The following SNX33 variants were observed in gnomAD, a reference collection of about 807,000 sequenced individuals.
The protein encoded by SNX33 is sorting nexin-33.
Under a neutral mutation model 38.8 loss-of-function variants are expected in SNX33, and 19 were observed. The observed-to-expected ratio is 0.49, with a 90% confidence interval of 0.34 to 0.72. The LOEUF (loss-of-function observed/expected upper bound fraction) is 0.72. Ranked by LOEUF, SNX33 falls within the 30% of genes least tolerant of loss-of-function variation. The pLI is 0.01. For missense variants in SNX33, 641 were observed against 776.4 expected, an observed-to-expected ratio of 0.83 and a Z score of 2.07; for synonymous variants, 246 against 289.7, an observed-to-expected ratio of 0.85 and a Z score of 1.53.
chr15:75,652,006 G>GT (rs10706187), intron 1 of SNX33, among the ~76,000 whole-genome samples: 25,441 of 132,758 alleles, frequency 0.19, 2,715 homozygotes, highest in East Asian at 0.41. Context: ...CTTTCTTTCT[G>GT]TTTTTTTTTT....
rs1428137384 is a variant in SNX33 at position 75,660,714 on chromosome 15, A to G, written c.*3499A>G. 2 of 152,508 alleles carry G rather than the reference A, an allele frequency of 1.3e-5. No homozygotes were observed. Among genetic ancestry groups the G allele is most frequent in the East Asian group, 1.9e-4 (1 of 5,178 alleles). The allele number at this position is 152,508 out of a possible 1,614,324, so 9.4% of individuals were successfully genotyped here. A position where few individuals can be genotyped will look rare whatever the true frequency, so the allele number is the denominator to read the frequency against. On this transcript the variant is annotated 3_prime_UTR_variant, in exon 2 of 2. Coordinates refer to ENST00000308527, the MANE Select transcript of SNX33 (RefSeq NM_153271.2). The stretch of plus-strand genomic sequence containing the variant: ...CACAGTGACACATACTCGGGCACAC[A>G]CCGCCACAAAGCCATGCTTGCACAG...
Position 75,650,464 on chromosome 15 carries a change from G to A in SNX33, c.1362G>A (p.Gly454=). 1 of 1,614,150 alleles carries A rather than the reference G, an allele frequency of 6.2e-7. No individual in the cohort carries two copies. The highest frequency in any genetic ancestry group is 1.1e-5 in the South Asian group (1 of 91,076). The part of the protein sequence containing the change: ...SHTGRTYEAI[G]EMFAEQPKND... Reference sequence around the variant, plus strand: ...CGGGCCGTACCTATGAAGCCATCGGGGAGATGTTTGCTGAGCAGCCCAAGA... The same window carrying A: ...CGGGCCGTACCTATGAAGCCATCGGAGAGATGTTTGCTGAGCAGCCCAAGA... Residue 454 remains glycine (G), a synonymous_variant, in exon 1 of 2, where the codon GGG becomes GGA. Transcript: ENST00000308527. The surrounding 1 kb of genome is among the most constrained non-coding windows in gnomAD (Gnocchi z 6.1).
At chr15:75,653,651 T>G (rs1296671334) in intron 1 of SNX33, among the ~76,000 whole-genome samples, 1 of 152,122 alleles carries the variant, frequency 6.6e-6, no homozygotes, top group South Asian at 2.1e-4. Context: ...GGAGGAAGGC[T>G]TGGGTGCTCC....
At chr15:75,654,774 C>T (rs1337071131) in intron 1 of SNX33, among the ~76,000 whole-genome samples, 1 of 152,140 alleles carries the variant, frequency 6.6e-6, no homozygotes, top group Non-Finnish European at 1.5e-5. Context: ...GCCTCTGTTT[C>T]CCCCCGACCT....
In SNX33 at chr15:75,649,421, G is replaced by T. The variant is rs1167906480; in HGVS notation, c.319G>T (p.Gly107Cys). Residue 107 changes from glycine (G) to cysteine (C), a missense_variant, in exon 1 of 2, where the codon GGT becomes TGT. Gly to Cys is a radical substitution (Grantham distance 159). This residue lies in a region of SNX33 where 243 missense variants were observed against 233.9 expected (regional missense o/e 1.04). Coordinates refer to ENST00000308527, the MANE Select transcript of SNX33 (RefSeq NM_153271.2). The surrounding 1 kb of genome is among the most constrained non-coding windows in gnomAD (Gnocchi z 6.6). Reference sequence around the variant, plus strand: ...GGGCAGTGGCTTCCTCTCAAACCAGGGTAGCTTTGAGGAGGATGATGATGA... The same window carrying T: ...GGGCAGTGGCTTCCTCTCAAACCAGTGTAGCTTTGAGGAGGATGATGATGA... Reference protein sequence around the residue: ...GGGSGFLSNQGSFEEDDDDDW... With the variant: ...GGGSGFLSNQCSFEEDDDDDW... 6.5e-7 allele frequency: 1 copy of T among 1,539,118 alleles called. No individual in the cohort carries two copies. The highest frequency in any genetic ancestry group is 8.8e-7 in the Non-Finnish European group (1 of 1,140,414).
In SNX33 at chr15:75,649,291, C is replaced by T; in HGVS notation, c.189C>T (p.Ile63=). The T allele has an allele frequency of 6.2e-7, 1 of 1,610,090 alleles. No homozygotes were observed. The highest frequency in any genetic ancestry group is 1.1e-5 in the South Asian group (1 of 90,522). ...ATGTGGAGATCGTCCGTTCTGGCAT[C>T]AGCACCAACCATGCTGACTACTCCA... ...ASYVEIVRSG[I]STNHADYSSS... Residue 63 remains isoleucine (I), a synonymous_variant, in exon 1 of 2, where the codon ATC becomes ATT. Transcript: ENST00000308527. This position sits in a 1 kb window ranked among gnomAD's most constrained non-coding sequence, Gnocchi z 6.6.
chr15:75,655,555 A>C (rs574742228), intron 1 of SNX33, among the ~76,000 whole-genome samples: 1 of 152,356 alleles, frequency 6.6e-6, no homozygotes, highest in Non-Finnish European at 1.5e-5. Flanking sequence ...TTAGCCATGC[A>C]CTTATCAACT....
Position 75,650,496 on chromosome 15 carries a change from T to A in SNX33, c.1394T>A (p.Leu465His). Residue 465 changes from leucine to histidine, a missense_variant, in exon 1 of 2, where the codon CTC becomes CAC. Transcript: ENST00000308527. The surrounding 1 kb of genome is among the most constrained non-coding windows in gnomAD (Gnocchi z 6.1). ...TTTGCTGAGCAGCCCAAGAATGACC[T>A]CTTCCAGATGCTGGACACACTGTCT... ...EMFAEQPKND[L>H]FQMLDTLSLY... 1 of 1,614,026 alleles carries A rather than the reference T, an allele frequency of 6.2e-7. No individual in the cohort carries two copies. The highest frequency in any genetic ancestry group is 8.5e-7 in the Non-Finnish European group (1 of 1,180,008).
Position 75,648,043 on chromosome 15 carries a change from A to C in SNX33, c.-1060A>C. 1.0e-6 allele frequency: 1 copy of C among 985,482 alleles called. No homozygotes were observed. Among genetic ancestry groups the C allele is most frequent in the Non-Finnish European group, 1.2e-6 (1 of 829,952 alleles). 61.0% of individuals were successfully genotyped at this position (985,482 alleles called of 1,614,324 possible). A position where few individuals can be genotyped will look rare whatever the true frequency, so the allele number is the denominator to read the frequency against. Reference sequence around the variant, plus strand: ...AGGGCGGAGAGGAGGACGGACGGACAGACGGCTGGCCGCGCCATCTGCTCG... The same window carrying C: ...AGGGCGGAGAGGAGGACGGACGGACCGACGGCTGGCCGCGCCATCTGCTCG... On this transcript the variant is annotated 5_prime_UTR_variant, in exon 1 of 2. Transcript: ENST00000308527. This position sits in a 1 kb window ranked among gnomAD's most constrained non-coding sequence, Gnocchi z 4.4.
At position 75,649,168 on chromosome 15, in the gene SNX33, G is replaced by T; in HGVS notation, c.66G>T (p.Gln22His). ...AGAACAAGGAGGAAATCAGCATCCA[G>T]CAGGATGAGGACCTGGTCATCTTTA... ...HSENKEEISIQQDEDLVIFSE... is the reference protein window; with the variant it reads ...HSENKEEISIHQDEDLVIFSE... The change falls in exon 1 of 2, where the codon CAG becomes CAT. Residue 22 changes from glutamine (Q) to histidine (H), a missense_variant. Around this residue, in one of 2 missense-constraint regions of SNX33, gnomAD observed 243 missense variants for 233.9 expected, o/e 1.04. Transcript: ENST00000308527. This position sits in a 1 kb window ranked among gnomAD's most constrained non-coding sequence, Gnocchi z 6.6. The T allele has an allele frequency of 1.2e-6, 2 of 1,613,714 alleles. No individual in the cohort carries two copies. Among genetic ancestry groups the T allele is most frequent in the South Asian group, 1.1e-5 (1 of 91,026 alleles).
chr15:75,648,681 G>T lies in SNX33; in HGVS notation c.-422G>T. 1 of 294,152 alleles carries T rather than the reference G, an allele frequency of 3.4e-6. No individual in the cohort carries two copies. The highest frequency in any genetic ancestry group is 5.1e-6 in the Non-Finnish European group (1 of 197,516). 18.2% of individuals were successfully genotyped at this position (294,152 alleles called of 1,614,324 possible). A position where few individuals can be genotyped will look rare whatever the true frequency, so the allele number is the denominator to read the frequency against. On this transcript the variant is annotated 5_prime_UTR_variant, in exon 1 of 2. Transcript: ENST00000308527. This position sits in a 1 kb window ranked among gnomAD's most constrained non-coding sequence, Gnocchi z 4.4. ...CCCTGCCCGGGTTTCTGGAATGGTG[G>T]TTTCAGAGTGAGTCTCTTCTATTTT...
Position 75,648,820 on chromosome 15 carries a change from C to T in SNX33, c.-283C>T, listed in dbSNP as rs769726723. On this transcript the variant is annotated 5_prime_UTR_variant, in exon 1 of 2. Coordinates refer to ENST00000308527, the MANE Select transcript of SNX33 (RefSeq NM_153271.2). This position sits in a 1 kb window ranked among gnomAD's most constrained non-coding sequence, Gnocchi z 4.4. ...GTTAGGAGAGATTCCCCTCTAACCC[C>T]CCAGAGGCTGCTAAGGGAGGAGGAG... is the stretch of plus-strand genomic sequence containing the variant. The T allele has an allele frequency of 6.0e-6, 2 of 333,022 alleles. No individual in the cohort carries two copies. Among genetic ancestry groups the T allele is most frequent in the East Asian group, 1.0e-4 (2 of 19,600 alleles). The allele number at this position is 333,022 out of a possible 1,614,324, so 20.6% of individuals were successfully genotyped here.
In SNX33 at chr15:75,649,435, G is replaced by A. The variant is rs772474562; in HGVS notation, c.333G>A (p.Glu111=). 1 of 1,537,750 alleles carries A rather than the reference G, an allele frequency of 6.5e-7. No homozygotes were observed. The highest frequency in any genetic ancestry group is 8.8e-7 in the Non-Finnish European group (1 of 1,139,768). ...TCTCAAACCAGGGTAGCTTTGAGGAGGATGATGATGATGACTGGGATGACT... is the reference window on the plus strand; with the variant it reads ...TCTCAAACCAGGGTAGCTTTGAGGAAGATGATGATGATGACTGGGATGACT... ...GFLSNQGSFE[E]DDDDDWDDWD... The change falls in exon 1 of 2, where the codon GAG becomes GAA. Residue 111 remains glutamate, a synonymous_variant. Coordinates refer to ENST00000308527, the MANE Select transcript of SNX33 (RefSeq NM_153271.2). This position sits in a 1 kb window ranked among gnomAD's most constrained non-coding sequence, Gnocchi z 6.6.
rs750085248 is a variant in SNX33 at position 75,650,270 on chromosome 15, G to A, written c.1168G>A (p.Asp390Asn). Reference protein sequence around the residue: ...TFKAFSKKMDDSVLQLSTVAS... With the variant: ...TFKAFSKKMDNSVLQLSTVAS... ...CAAGGCCTTCAGTAAGAAGATGGAC[G>A]ACAGCGTCCTGCAGCTCAGCACTGT... Residue 390 changes from aspartate to asparagine, a missense_variant, in exon 1 of 2, where the codon GAC becomes AAC. Asp to Asn is a conservative substitution (Grantham distance 23, BLOSUM62 1). Coordinates refer to ENST00000308527, the MANE Select transcript of SNX33 (RefSeq NM_153271.2). This position sits in a 1 kb window ranked among gnomAD's most constrained non-coding sequence, Gnocchi z 6.1. The A allele has an allele frequency of 2.5e-6, 4 of 1,587,858 alleles. No individual in the cohort carries two copies. Among genetic ancestry groups the A allele is most frequent in the South Asian group, 1.1e-5 (1 of 87,212 alleles).
chr15:75,652,253 T>C, intron 1 of SNX33, among the ~76,000 whole-genome samples: 1 of 152,124 alleles, frequency 6.6e-6, no homozygotes, highest in East Asian at 1.9e-4. Flanking sequence ...AGAAACAGAA[T>C]GACACCTTAG....
Position 75,648,963 on chromosome 15 carries a change from G to A in SNX33, c.-140G>A. The A allele has an allele frequency of 9.2e-7, 1 of 1,089,370 alleles. No individual in the cohort carries two copies. Among genetic ancestry groups the A allele is most frequent in the Non-Finnish European group, 1.3e-6 (1 of 783,308 alleles). The allele number at this position is 1,089,370 out of a possible 1,614,324, so 67.5% of individuals were successfully genotyped here. ...AGACTGGACAGCATCTGTGGGTGCT[G>A]AGACCCCACCTTAGGACCTGAGAGA... On this transcript the variant is annotated 5_prime_UTR_variant, in exon 1 of 2. It removes the in-frame stop codon of an upstream open reading frame in the 5' UTR. Transcript: ENST00000308527. The surrounding 1 kb of genome is among the most constrained non-coding windows in gnomAD (Gnocchi z 4.4).
At position 75,649,187 on chromosome 15, in the gene SNX33, A is replaced by T; in HGVS notation, c.85A>T (p.Ile29Phe). 1.2e-6 allele frequency: 2 copies of T among 1,614,136 alleles called. No individual in the cohort carries two copies. The highest frequency in any genetic ancestry group is 1.1e-5 in the South Asian group (1 of 91,078). ...CATCCAGCAGGATGAGGACCTGGTC[A>T]TCTTTAGCGAGACCTCACTGGATGG... Reference protein sequence around the residue: ...ISIQQDEDLVIFSETSLDGWL... With the variant: ...ISIQQDEDLVFFSETSLDGWL... The change falls in exon 1 of 2, where the codon ATC becomes TTC. Residue 29 changes from isoleucine to phenylalanine, a missense_variant. Physicochemically the swap from Ile to Phe is conservative, Grantham distance 21. Around this residue, in one of 2 missense-constraint regions of SNX33, gnomAD observed 243 missense variants for 233.9 expected, o/e 1.04. Coordinates refer to ENST00000308527, the MANE Select transcript of SNX33 (RefSeq NM_153271.2). This position sits in a 1 kb window ranked among gnomAD's most constrained non-coding sequence, Gnocchi z 6.6.
chr15:75,657,165 C>CG lies in SNX33; in HGVS notation c.1678dup (p.Val560GlyfsTer13). 1 of 1,614,126 alleles carries CG rather than the reference C, an allele frequency of 6.2e-7. No individual in the cohort carries two copies. Reference sequence around the variant, plus strand: ...GCGCCAGCAGATCCTCTTCTACCAGCGGGTGGGCCAGCAGCTGGAGAAGAC... The same window carrying CG: ...GCGCCAGCAGATCCTCTTCTACCAGCGGGGTGGGCCAGCAGCTGGAGAAGAC... On this transcript the variant is annotated frameshift_variant, in exon 2 of 2. Transcript: ENST00000308527. LOFTEE classifies it high-confidence loss of function. The surrounding 1 kb of genome is among the most constrained non-coding windows in gnomAD (Gnocchi z 5.5).
Position 75,657,054 on chromosome 15 carries a change from G to A in SNX33, c.1564G>A (p.Val522Met), listed in dbSNP as rs140532329. 3.3e-5 allele frequency: 54 copies of A among 1,614,040 alleles called. No individual in the cohort carries two copies. Among genetic ancestry groups the A allele is most frequent in the Non-Finnish European group, 4.1e-5 (48 of 1,180,022 alleles). Residue 522 changes from valine to methionine, a missense_variant, in exon 2 of 2, where the codon GTG (valine) becomes ATG (methionine). Transcript: ENST00000308527. The surrounding 1 kb of genome is among the most constrained non-coding windows in gnomAD (Gnocchi z 5.5). ...AGACGGCATTCGCAGGCGCTGCCGC[G>A]TGGTGGGTTTCGCCCTGCAGGCCGA... ...EADGIRRRCR[V>M]VGFALQAEMN... is the part of the protein sequence containing the mutation.
Sources: allele counts gnomAD v4.1 joint callset (sites outside exome capture counted in the v4.1 genomes callset), GRCh38; gene constraint gnomAD v4.1.1; regional missense constraint gnomAD v4.1.1; non-coding constraint Gnocchi (gnomAD v3.1); transcripts MANE v1.5; gene names NCBI Gene and HGNC (gene_info 2026-07-23, HGNC 2026-07-21).